The following BMPR1B variants were observed in gnomAD, a reference collection of about 807,000 sequenced individuals.
BMPR1B encodes the protein bone morphogenetic protein receptor type-1B.
In BMPR1B, 12 loss-of-function variants were observed where a neutral mutation model predicts 59.1. The ratio of observed to expected loss-of-function variants is 0.20; its 90% CI spans 0.13 to 0.33. BMPR1B has a LOEUF of 0.33. Ranked by LOEUF, BMPR1B falls within the 10% of genes least tolerant of loss-of-function variation. The pLI is 1.00. For synonymous variants in BMPR1B, 237 were observed against 207.3 expected (o/e 1.14, Z -1.23); for missense variants, 550 against 610.9 (o/e 0.90, Z 1.05).
At chr4:94,874,886 T>C (rs1236428098) in intron 1 of BMPR1B, among the ~76,000 whole-genome samples, 2 of 151,946 alleles carry the variant, frequency 1.3e-5, no homozygotes, top group Admixed American at 6.6e-5. Context: ...CCAGCTACTC[T>C]GGAGGCTGAG....
chr4:95,019,528 G>A (rs1357629200), intron 3 of BMPR1B, among the ~76,000 whole-genome samples: 1 of 152,114 alleles, frequency 6.6e-6, no homozygotes, highest in African/African-American at 2.4e-5. Flanking sequence ...ATAAAGGTGG[G>A]TTTAGGTAAA....
chr4:95,086,449 C>G (rs1214723466), intron 3 of BMPR1B, among the ~76,000 whole-genome samples: 1 of 152,082 alleles, frequency 6.6e-6, no homozygotes, highest in Non-Finnish European at 1.5e-5. Flanking sequence ...TACTGATAAC[C>G]TAACATTTAA....
At chr4:94,918,856 G>C (rs770382508) in intron 2 of BMPR1B, among the ~76,000 whole-genome samples, 6 of 152,054 alleles carry the variant, frequency 3.9e-5, no homozygotes, top group Non-Finnish European at 8.8e-5. Context: ...CTGTCACAGG[G>C]AACTTACTTC....
chr4:94,983,807 A>G (rs1251493503), intron 2 of BMPR1B, among the ~76,000 whole-genome samples: 1 of 152,202 alleles, frequency 6.6e-6, no homozygotes, highest in Non-Finnish European at 1.5e-5. Context: ...TGTTTATCTC[A>G]TGGCCTTTGC....
intron 2 of BMPR1B, among the ~76,000 whole-genome samples, chr4:94,990,494 A>G (rs1049396255): frequency 1.2e-4 from 19 of 152,242 alleles, no homozygotes; most frequent in African/African-American, 4.1e-4. Flanking sequence ...ATACCCATAC[A>G]ATGAAATACT....
intron 1 of BMPR1B, among the ~76,000 whole-genome samples, chr4:94,820,863 A>C (rs1313927303): frequency 1.3e-5 from 2 of 152,236 alleles, no homozygotes; most frequent in East Asian, 3.8e-4. Flanking sequence ...CATATAACAT[A>C]TGTTGCTAAA....
chr4:94,796,749 G>A (rs2110614157), intron 1 of BMPR1B, among the ~76,000 whole-genome samples: 2 of 152,222 alleles, frequency 1.3e-5, no homozygotes, highest in Non-Finnish European at 2.9e-5. Context: ...TCTAGTGACT[G>A]TATATTTCCA....
chr4:95,126,170 AT>A (rs1314434230), intron 8 of BMPR1B, among the ~76,000 whole-genome samples: 2 of 152,146 alleles, frequency 1.3e-5, no homozygotes, highest in African/African-American at 4.8e-5. Flanking sequence ...TAATGTTATA[AT>A]TAGTGGTAAT....
intron 9 of BMPR1B, 123 bp from the exon 10 acceptor site, chr4:95,131,092 G>C (rs1323119857): frequency 8.9e-6 from 9 of 1,013,818 alleles, no homozygotes; most frequent in African/African-American, 6.4e-5. Flanking sequence ...CATAGGCATA[G>C]TCAGGAAATT....
intron 4 of BMPR1B, among the ~76,000 whole-genome samples, chr4:95,108,061 T>C (rs1017024011): frequency 2.0e-5 from 3 of 152,246 alleles, no homozygotes; most frequent in South Asian, 2.1e-4. Context: ...TACTGATACT[T>C]TGCTAAATTA....
intron 3 of BMPR1B, among the ~76,000 whole-genome samples, chr4:95,093,433 CTA>C (rs1176446246): frequency 6.8e-4 from 1 of 1,476 alleles, no homozygotes; most frequent in African/African-American, 2.0e-3. Flanking sequence ...GTTTATAATT[CTA>C]TGTCTGCTGA....
intron 2 of BMPR1B, among the ~76,000 whole-genome samples, chr4:94,910,402 G>A (rs975996523): frequency 6.6e-6 from 1 of 151,978 alleles, no homozygotes; most frequent in Non-Finnish European, 1.5e-5. Context: ...ACTTACCTAG[G>A]GACTCCAGAT....
chr4:95,060,428 T>A (rs1727272218), intron 3 of BMPR1B, among the ~76,000 whole-genome samples: 1 of 152,220 alleles, frequency 6.6e-6, no homozygotes, highest in African/African-American at 2.4e-5. Flanking sequence ...CATGATGTGT[T>A]GTTTAATAAA....
At chr4:94,851,030 A>G (rs1725549458) in intron 1 of BMPR1B, among the ~76,000 whole-genome samples, 1 of 142,766 alleles carries the variant, frequency 7.0e-6, no homozygotes, top group South Asian at 2.4e-4. Context: ...AGATACTTCT[A>G]TTTCCACTGG....
chr4:95,091,217 A>G (rs760848128), intron 3 of BMPR1B, among the ~76,000 whole-genome samples: 12 of 152,154 alleles, frequency 7.9e-5, no homozygotes, highest in African/African-American at 2.6e-4. Context: ...CACTGTGGTC[A>G]GTGACATTTT....
chr4:94,890,160 C>G (rs1461111452), intron 2 of BMPR1B, among the ~76,000 whole-genome samples: 1 of 151,986 alleles, frequency 6.6e-6, no homozygotes, highest in Non-Finnish European at 1.5e-5. Context: ...TAAATCTTGG[C>G]GTGGAGCTAA....
chr4:94,952,486 C>T (rs1729985478), intron 2 of BMPR1B, among the ~76,000 whole-genome samples: 1 of 152,120 alleles, frequency 6.6e-6, no homozygotes, highest in Non-Finnish European at 1.5e-5. Context: ...TTTCAAAGAA[C>T]TTATTTATTT....
rs886059741 is a variant in BMPR1B at position 95,156,839 on chromosome 4, C to A, written c.*2166C>A. 3 of 152,132 alleles carry A rather than the reference C, an allele frequency of 2.0e-5. No individual in the cohort carries two copies. The highest frequency in any genetic ancestry group is 4.4e-5 in the Non-Finnish European group (3 of 67,992). The allele number at this position is 152,132 out of a possible 1,614,324, so 9.4% of individuals were successfully genotyped here. The stretch of plus-strand genomic sequence containing the variant: ...AATATATGGTTAGAACTAAGTGTGA[C>A]TAATCATCTGAGCCTTGAAGAGAAA... On this transcript the variant is annotated 3_prime_UTR_variant, in exon 13 of 13. Coordinates refer to ENST00000515059, the MANE Select transcript of BMPR1B (RefSeq NM_001203.3).
intron 2 of BMPR1B, among the ~76,000 whole-genome samples, chr4:94,938,425 G>A (rs1352809511): frequency 1.3e-5 from 2 of 151,562 alleles, no homozygotes; most frequent in African/African-American, 2.4e-5. Context: ...AGCCCAGGAG[G>A]CAGAGGTTGC....
Sources: allele counts gnomAD v4.1 joint callset (sites outside exome capture counted in the v4.1 genomes callset), GRCh38; gene constraint gnomAD v4.1.1; transcripts MANE v1.5; gene names NCBI Gene and HGNC (gene_info 2026-07-23, HGNC 2026-07-21).